Variants in FRMD3 observed in about 807,000 individuals in gnomAD.
FRMD3 encodes the protein FERM domain-containing protein 3.
FRMD3 carries 33 observed loss-of-function variants against 70.2 expected under a neutral mutation model. The ratio of observed to expected loss-of-function variants is 0.47; its 90% CI spans 0.36 to 0.63. The LOEUF (loss-of-function observed/expected upper bound fraction) is 0.63. Among genes scored for constraint, FRMD3 ranks in the 20% least tolerant of loss-of-function variants. The probability of loss-of-function intolerance (pLI) is 0.00; values close to 1 mark genes in which losing one functional copy is unlikely to be tolerated. For synonymous variants in FRMD3, 279 were observed against 255.9 expected, an observed-to-expected ratio of 1.09 and a Z score of -0.86; for missense variants, 632 against 711.4, an observed-to-expected ratio of 0.89 and a Z score of 1.27.
chr9:83,426,324 T>C (rs1826809854), intron 1 of FRMD3, among the ~76,000 whole-genome samples: 1 of 152,210 alleles, frequency 6.6e-6, no homozygotes, highest in South Asian at 2.1e-4. Context: ...GTTCCAGTCA[T>C]TTGTTGAGCA....
At chr9:83,308,241 A>G (rs1351102870) in intron 10 of FRMD3, among the ~76,000 whole-genome samples, 1 of 152,192 alleles carries the variant, frequency 6.6e-6, no homozygotes, top group Non-Finnish European at 1.5e-5. Flanking sequence ...AGCAATGAAC[A>G]ATGGGCAAAG....
At chr9:83,270,740 G>A (rs1428473492) in intron 13 of FRMD3, among the ~76,000 whole-genome samples, 1 of 152,150 alleles carries the variant, frequency 6.6e-6, no homozygotes, top group African/African-American at 2.4e-5. Context: ...CCAAGGGGTG[G>A]TTGTGAGGAT....
At chr9:83,290,002 C>T (rs1244679107) in intron 13 of FRMD3, among the ~76,000 whole-genome samples, 1 of 151,892 alleles carries the variant, frequency 6.6e-6, no homozygotes, top group Non-Finnish European at 1.5e-5. Flanking sequence ...TTTTTTTTAG[C>T]TTGTATCAAA....
At chr9:83,565,307 G>A in the FRMD3 span, among the ~76,000 whole-genome samples, 55 of 152,198 alleles carry the variant, frequency 3.6e-4, no homozygotes, top group Non-Finnish European at 5.3e-4. Context: ...TCTCAAGCAC[G>A]TAAGACTTAA....
intron 1 of FRMD3, among the ~76,000 whole-genome samples, chr9:83,393,828 T>C (rs1266031086): frequency 6.6e-6 from 1 of 152,190 alleles, no homozygotes; most frequent in Non-Finnish European, 1.5e-5. Flanking sequence ...CCTACTGCTA[T>C]GCAGCTCAGT....
chr9:83,251,476 A>G (rs1563973701), intron 13 of FRMD3, among the ~76,000 whole-genome samples: 2 of 152,222 alleles, frequency 1.3e-5, no homozygotes, highest in Non-Finnish European at 2.9e-5. Flanking sequence ...AATGACCACA[A>G]TATCTCTCTA....
chr9:83,464,442 G>A (rs1451890199), intron 1 of FRMD3, among the ~76,000 whole-genome samples: 1 of 152,108 alleles, frequency 6.6e-6, no homozygotes, highest in Non-Finnish European at 1.5e-5. Flanking sequence ...GGTGGACGAT[G>A]GTAAGGGTCA....
intron 1 of FRMD3, among the ~76,000 whole-genome samples, chr9:83,466,439 C>T (rs1474634828): frequency 6.6e-6 from 1 of 152,218 alleles, no homozygotes; most frequent in Non-Finnish European, 1.5e-5. Context: ...CACGATCTCG[C>T]TAAGCCCAAA....
chr9:83,496,968 G>T (rs1190431809), intron 1 of FRMD3, among the ~76,000 whole-genome samples: 1 of 152,090 alleles, frequency 6.6e-6, no homozygotes, highest in Admixed American at 6.6e-5. Flanking sequence ...ACAAAAATTA[G>T]CCGGGTGTGG....
chr9:83,440,354 T>C (rs533222657), intron 1 of FRMD3, among the ~76,000 whole-genome samples: 2 of 152,338 alleles, frequency 1.3e-5, no homozygotes, highest in African/African-American at 2.4e-5. Flanking sequence ...GTAGTCCCTA[T>C]AATCCAATGT....
chr9:83,436,257 CTTG>C (rs1396408705), intron 1 of FRMD3, among the ~76,000 whole-genome samples: 1 of 152,182 alleles, frequency 6.6e-6, no homozygotes, highest in Non-Finnish European at 1.5e-5. Context: ...ATTAAAACCA[CTTG>C]TTGTTCTCTC....
chr9:83,436,600 C>T (rs1244369424), intron 1 of FRMD3, among the ~76,000 whole-genome samples: 1 of 151,682 alleles, frequency 6.6e-6, no homozygotes, highest in Non-Finnish European at 1.5e-5. Flanking sequence ...TAAACTTAAA[C>T]ATAAAAGAGT....
intron 4 of FRMD3, among the ~76,000 whole-genome samples, chr9:83,346,086 T>C (rs1823949914): frequency 1.3e-5 from 2 of 151,594 alleles, no homozygotes; most frequent in South Asian, 4.2e-4. Context: ...CAAAACCCAG[T>C]CTCTACTAAA....
At chr9:83,257,438 G>A (rs117565171) in intron 13 of FRMD3, among the ~76,000 whole-genome samples, 6,081 of 152,186 alleles carry the variant, frequency 0.04, 265 homozygotes, top group Admixed American at 0.12. Flanking sequence ...GGGATGACCT[G>A]TGTAGCAAAC....
At chr9:83,486,808 G>A (rs918138230) in intron 1 of FRMD3, among the ~76,000 whole-genome samples, 2 of 152,102 alleles carry the variant, frequency 1.3e-5, no homozygotes, top group Admixed American at 1.3e-4. Context: ...GGGAACATTA[G>A]TTAATGTTTC....
chr9:83,422,336 A>C (rs958557513), intron 1 of FRMD3, among the ~76,000 whole-genome samples: 2 of 152,072 alleles, frequency 1.3e-5, no homozygotes, highest in Non-Finnish European at 2.9e-5. Flanking sequence ...AATTCCCAGA[A>C]AGCTCTTCAT....
At chr9:83,412,321 G>A (rs1030960718) in intron 1 of FRMD3, among the ~76,000 whole-genome samples, 1 of 152,148 alleles carries the variant, frequency 6.6e-6, no homozygotes, top group Non-Finnish European at 1.5e-5. Flanking sequence ...TTTAGTAACT[G>A]CAAATAAAGC....
In FRMD3 at chr9:83,247,998, G is replaced by A; in HGVS notation, c.1714C>T (p.His572Tyr). ...IRQTPEFEQF[H>Y]YEYYCPLKEW... The stretch of plus-strand genomic sequence containing the variant: ...TTGAGGGGACAGTAGTATTCATAGT[G>A]AAACTGCTCAAACTCTGGTGTCTGG... Residue 572 changes from histidine (H) to tyrosine (Y), a missense_variant, in exon 14 of 14, where the codon CAC (histidine) becomes TAC (tyrosine). Coordinates refer to ENST00000304195, the MANE Select transcript of FRMD3 (RefSeq NM_174938.6). 6.2e-7 allele frequency: 1 copy of A among 1,614,184 alleles called. No individual in the cohort carries two copies. Among genetic ancestry groups the A allele is most frequent in the Non-Finnish European group, 8.5e-7 (1 of 1,180,032 alleles).
At chr9:83,566,397 C>T in the FRMD3 span, among the ~76,000 whole-genome samples, 1 of 152,112 alleles carries the variant, frequency 6.6e-6, no homozygotes, top group Non-Finnish European at 1.5e-5. Flanking sequence ...GGGACACAGC[C>T]ACACCATATC....
Sources: allele counts gnomAD v4.1 joint callset (sites outside exome capture counted in the v4.1 genomes callset), GRCh38; gene constraint gnomAD v4.1.1; transcripts MANE v1.5; gene names NCBI Gene and HGNC (gene_info 2026-07-23, HGNC 2026-07-21).